Variants in ZEB2 observed in about 807,000 individuals in gnomAD.
The protein encoded by ZEB2 is zinc finger E-box-binding homeobox 2.
Under a neutral mutation model 99.9 loss-of-function variants are expected in ZEB2, and 6 were observed. The ratio of observed to expected loss-of-function variants is 0.06; its 90% confidence interval spans 0.03 to 0.12. The LOEUF (loss-of-function observed/expected upper bound fraction) is 0.12, where lower values mean the gene tolerates loss of function less well. Among genes scored for constraint, ZEB2 ranks in the 10% least tolerant of loss-of-function variants. ZEB2 has a pLI of 1.00. For synonymous variants in ZEB2, 517 were observed against 542.5 expected (o/e 0.95, Z 0.65); for missense variants, 969 against 1,502.8 (o/e 0.64, Z 5.87).
intron 4 of ZEB2, among the ~76,000 whole-genome samples, chr2:144,421,434 G>C (rs1279000645): frequency 6.6e-6 from 1 of 152,156 alleles, no homozygotes; most frequent in Non-Finnish European, 1.5e-5. Context: ...GGGAGAAGAA[G>C]TGGTAAACTT....
chr2:144,510,057 G>A (rs1007294729), intron 2 of ZEB2, among the ~76,000 whole-genome samples: 2 of 152,036 alleles, frequency 1.3e-5, no homozygotes, highest in Admixed American at 1.3e-4. Flanking sequence ...AAAAAGTATG[G>A]AGAAGGTGTG....
intron 2 of ZEB2, among the ~76,000 whole-genome samples, chr2:144,493,744 CTT>C (rs1313583515): frequency 6.6e-6 from 1 of 152,146 alleles, no homozygotes; most frequent in Admixed American, 6.5e-5. Context: ...TGTGTAACCT[CTT>C]TGTGATATTA....
rs1348183150 is a variant in ZEB2, at chr2:144,385,827, T to C, written c.*3624A>G. On this transcript the variant is annotated 3_prime_UTR_variant, in exon 10 of 10. Coordinates refer to ENST00000627532, the MANE Select transcript of ZEB2 (RefSeq NM_014795.4). ...ATTATTAGAAAGATAAAAAATGACC[T>C]TTTTAAAAGTTATCTGATTGTGAAA... is the stretch of plus-strand genomic sequence containing the variant. 3 of 152,214 alleles carry C rather than the reference T, an allele frequency of 2.0e-5. No homozygotes were observed. Among genetic ancestry groups the C allele is most frequent in the Non-Finnish European group, 4.4e-5 (3 of 68,026 alleles). The allele number at this position is 152,214 out of a possible 1,614,324, so 9.4% of individuals were successfully genotyped here.
At chr2:144,486,219 A>G (rs1463243539) in intron 2 of ZEB2, among the ~76,000 whole-genome samples, 3 of 152,200 alleles carry the variant, frequency 2.0e-5, no homozygotes, top group Admixed American at 6.5e-5. Flanking sequence ...TTTTCTTGAA[A>G]AGATTCCTTC....
chr2:144,469,149 T>C (rs984661553), intron 2 of ZEB2, among the ~76,000 whole-genome samples: 1 of 152,142 alleles, frequency 6.6e-6, no homozygotes, highest in Non-Finnish European at 1.5e-5. Flanking sequence ...GACTATAAAA[T>C]AGCTTCCCAA....
intron 2 of ZEB2, among the ~76,000 whole-genome samples, chr2:144,472,708 T>G (rs543221498): frequency 6.6e-6 from 1 of 152,232 alleles, no homozygotes; most frequent in East Asian, 1.9e-4. Context: ...GAAGCACGGA[T>G]GGACTACCGA....
chr2:144,489,912 T>C (rs1174299622), intron 2 of ZEB2, among the ~76,000 whole-genome samples: 2 of 152,256 alleles, frequency 1.3e-5, no homozygotes, highest in African/African-American at 2.4e-5. Flanking sequence ...ACATTCCTTC[T>C]GAAACACAAA....
chr2:144,462,799 A>G (rs966728405), intron 2 of ZEB2: 1 of 152,308 alleles, frequency 6.6e-6, no homozygotes, highest in East Asian at 1.9e-4. Context: ...AGTTGTGAAC[A>G]GCTGGCATAC....
chr2:144,519,480 G>C, intron 1 of ZEB2: 1 of 157,788 alleles, frequency 6.3e-6, no homozygotes, highest in East Asian at 1.9e-4. Context: ...TTGTAGGTCT[G>C]TAACTGACCA....
intron 2 of ZEB2, among the ~76,000 whole-genome samples, chr2:144,455,935 A>G (rs1573765970): frequency 6.6e-6 from 1 of 152,172 alleles, no homozygotes. Flanking sequence ...AATCTTAAAA[A>G]AGGACAACAT....
chr2:144,447,085 A>G (rs994499378), intron 2 of ZEB2, among the ~76,000 whole-genome samples: 1 of 152,208 alleles, frequency 6.6e-6, no homozygotes, highest in Admixed American at 6.5e-5. Flanking sequence ...AAAGTTTTTA[A>G]AAAGTTGGAG....
intron 2 of ZEB2, chr2:144,513,088 G>C (rs899521236): frequency 3.9e-6 from 5 of 1,286,984 alleles, no homozygotes; most frequent in Non-Finnish European, 4.0e-6. Context: ...TCACCTCTCA[G>C]GGAGGAGAGC....
chr2:144,388,848 G>T lies in ZEB2; in HGVS notation c.*603C>A. 1 of 455,966 alleles carries T rather than the reference G, an allele frequency of 2.2e-6. No homozygotes were observed. The highest frequency in any genetic ancestry group is 4.5e-6 in the Non-Finnish European group (1 of 222,362). The allele number at this position is 455,966 out of a possible 1,614,324, so 28.2% of individuals were successfully genotyped here. A position where few individuals can be genotyped will look rare whatever the true frequency, so the allele number is the denominator to read the frequency against. On this transcript the variant is annotated 3_prime_UTR_variant, in exon 10 of 10. Transcript: ENST00000627532. The surrounding 1 kb of genome is among the most constrained non-coding windows in gnomAD (Gnocchi z 5.4). The stretch of plus-strand genomic sequence containing the variant: ...ACGTCCAGGTCACTTTAAGACTTCG[G>T]TATCTTAAATTCACACATGCATCAC...
At chr2:144,514,516 G>C (rs1256060106) in intron 2 of ZEB2, 2 of 152,108 alleles carry the variant, frequency 1.3e-5, no homozygotes, top group Non-Finnish European at 2.9e-5. Flanking sequence ...TCTTTTCCAT[G>C]AATCCAGGAA....
intron 2 of ZEB2, among the ~76,000 whole-genome samples, chr2:144,484,427 C>T (rs1704564849): frequency 6.6e-6 from 1 of 151,992 alleles, no homozygotes; most frequent in Non-Finnish European, 1.5e-5. Flanking sequence ...CCCAAATTTC[C>T]TGAATCAAAT....
chr2:144,440,498 T>C (rs1703891952), intron 2 of ZEB2, among the ~76,000 whole-genome samples: 1 of 13,918 alleles, frequency 7.2e-5, no homozygotes, highest in Non-Finnish European at 1.5e-4. Context: ...TATATATATA[T>C]ATATATATAT....
intron 2 of ZEB2, chr2:144,495,111 A>C (rs1704740988): frequency 6.6e-6 from 1 of 152,216 alleles, no homozygotes; most frequent in African/African-American, 2.4e-5. Flanking sequence ...CAAGCAAGGA[A>C]ATTCTTCATT....
chr2:144,416,653 C>T (rs1419742116), intron 4 of ZEB2, among the ~76,000 whole-genome samples: 2 of 152,186 alleles, frequency 1.3e-5, no homozygotes, highest in African/African-American at 4.8e-5. Context: ...ATTATTGTGG[C>T]TATCATCTAA....
At chr2:144,513,984 C>T in intron 2 of ZEB2, 1 of 1,076,396 alleles carries the variant, frequency 9.3e-7, no homozygotes, top group Non-Finnish European at 1.3e-6. Context: ...CCTTCCCCCT[C>T]ACCCCACTCC....
Sources: gnomAD v4.1 joint callset for allele counts (sites outside exome capture counted in the v4.1 genomes callset) on GRCh38, gnomAD v4.1.1 for gene constraint, Gnocchi (gnomAD v3.1) non-coding constraint, MANE v1.5 for transcripts, NCBI Gene and HGNC (gene_info 2026-07-23, HGNC 2026-07-21) for gene names.